The following GRID2 variants were observed in gnomAD, a reference collection of about 807,000 sequenced individuals.
GRID2 encodes the protein glutamate ionotropic receptor delta type subunit 2.
Under a neutral mutation model 114.8 loss-of-function variants are expected in GRID2, and 33 were observed. The ratio of observed to expected loss-of-function variants is 0.29; its 90% confidence interval spans 0.22 to 0.38. GRID2 has a LOEUF of 0.38. GRID2 is among the 10% of genes least tolerant of loss of function. GRID2 has a pLI of 1.00. For synonymous variants in GRID2, 505 were observed against 449.9 expected, an observed-to-expected ratio of 1.12 and a Z score of -1.55; for missense variants, 1,184 against 1,257.7, an observed-to-expected ratio of 0.94 and a Z score of 0.89.
chr4:93,650,484 C>G (rs1722489610), intron 14 of GRID2, among the ~76,000 whole-genome samples: 1 of 151,980 alleles, frequency 6.6e-6, no homozygotes, highest in Admixed American at 6.6e-5. Flanking sequence ...ATTCCTTACT[C>G]AAAATTACTG....
At position 92,934,790 on chromosome 4, in the gene GRID2, G is replaced by C. The variant is rs1194695740; in HGVS notation, c.245-150205G>C. Among the ~76,000 whole-genome samples, 2 of 146,926 alleles carry C rather than the reference G, an allele frequency of 1.4e-5. 1 individual carries two copies. Among genetic ancestry groups the C allele is most frequent in the Non-Finnish European group, 3.0e-5 (2 of 66,336 alleles). ...CTGAGAAAAACAAGCAGTGGGGAAA[G>C]GATTCCCTATTTAATAAATGGTGCT... On this transcript the variant is annotated intron_variant, in intron 2 of 15. Coordinates refer to ENST00000282020, the MANE Select transcript of GRID2 (RefSeq NM_001510.4).
At chr4:93,328,040 G>T (rs762913263) in intron 8 of GRID2, among the ~76,000 whole-genome samples, 2 of 151,802 alleles carry the variant, frequency 1.3e-5, no homozygotes, top group African/African-American at 2.4e-5. Context: ...CTGGCCGGGC[G>T]CAGTGGCTCA....
At chr4:93,189,854 A>AT (rs1448054895) in intron 4 of GRID2, among the ~76,000 whole-genome samples, 6 of 150,926 alleles carry the variant, frequency 4.0e-5, no homozygotes, top group Non-Finnish European at 8.9e-5. Context: ...TCAGAGTAAG[A>AT]TTTTTTTGTT....
At chr4:92,612,870 A>G (rs2149230452) in intron 2 of GRID2, among the ~76,000 whole-genome samples, 1 of 151,582 alleles carries the variant, frequency 6.6e-6, no homozygotes, top group Admixed American at 6.6e-5. Context: ...TTATGCAAAT[A>G]AATACATTTA....
chr4:92,414,404 A>T (rs913966156), intron 1 of GRID2, among the ~76,000 whole-genome samples: 1 of 152,230 alleles, frequency 6.6e-6, no homozygotes, highest in South Asian at 2.1e-4. Context: ...CAAGGAGAAT[A>T]CATGGTGATA....
intron 1 of GRID2, among the ~76,000 whole-genome samples, chr4:92,435,223 T>A (rs1037285516): frequency 1.3e-5 from 2 of 152,192 alleles, no homozygotes; most frequent in Non-Finnish European, 2.9e-5. Flanking sequence ...GATAAGATCC[T>A]TGGGACATTT....
chr4:93,305,069 T>A (rs1755275387), intron 8 of GRID2, among the ~76,000 whole-genome samples: 1 of 152,110 alleles, frequency 6.6e-6, no homozygotes. Flanking sequence ...AGTAAAATAT[T>A]TTTAAGAGTT....
At chr4:92,379,385 G>A (rs900616332) in intron 1 of GRID2, among the ~76,000 whole-genome samples, 1 of 151,870 alleles carries the variant, frequency 6.6e-6, no homozygotes, top group East Asian at 1.9e-4. Context: ...TATGGAGAGT[G>A]CATTACTCCC....
At chr4:93,456,741 G>T (rs1488219152) in intron 11 of GRID2, among the ~76,000 whole-genome samples, 1 of 152,122 alleles carries the variant, frequency 6.6e-6, no homozygotes, top group African/African-American at 2.4e-5. Context: ...CTACAATGGA[G>T]ACATTATACT....
chr4:93,508,033 G>A (rs1209905246), intron 12 of GRID2, among the ~76,000 whole-genome samples: 2 of 152,100 alleles, frequency 1.3e-5, no homozygotes, highest in East Asian at 3.9e-4. Context: ...GGGAGGGATA[G>A]CATTAGGAGA....
At chr4:92,571,368 C>T (rs1306766348) in intron 1 of GRID2, among the ~76,000 whole-genome samples, 2 of 152,048 alleles carry the variant, frequency 1.3e-5, no homozygotes, top group Non-Finnish European at 2.9e-5. Context: ...TACAGGAGCA[C>T]CAAGATTCAT....
intron 14 of GRID2, among the ~76,000 whole-genome samples, chr4:93,762,108 A>G (rs1227457744): frequency 1.3e-5 from 2 of 152,194 alleles, no homozygotes; most frequent in African/African-American, 4.8e-5. Context: ...TATTATTAAT[A>G]CTTTCTCAGT....
In GRID2 at chr4:93,550,187, T is replaced by C. The variant is rs191926230; in HGVS notation, c.2193+34776T>C. Reference sequence around the variant, plus strand: ...GCTCTGAACTCCTGGGCTTAAGCGATCCTCCTGCCTCAGCCTCCCAAGTAG... The same window carrying C: ...GCTCTGAACTCCTGGGCTTAAGCGACCCTCCTGCCTCAGCCTCCCAAGTAG... On this transcript the variant is annotated intron_variant, in intron 13 of 15. Coordinates refer to ENST00000282020, the MANE Select transcript of GRID2 (RefSeq NM_001510.4). Among the ~76,000 whole-genome samples the C allele has an allele frequency of 7.4e-3, 1,127 of 152,236 alleles. 10 individuals carry two copies. Among genetic ancestry groups the C allele is most frequent in the African/African-American group, 0.026 (1,086 of 41,550 alleles).
At chr4:92,815,579 A>G (rs576491326) in intron 2 of GRID2, among the ~76,000 whole-genome samples, 46 of 152,184 alleles carry the variant, frequency 3.0e-4, no homozygotes, top group African/African-American at 1.0e-3. Flanking sequence ...GTACTAACAC[A>G]TGTTGATTTC....
intron 2 of GRID2, among the ~76,000 whole-genome samples, chr4:93,024,375 A>T (rs1560805420): frequency 2.0e-5 from 3 of 151,786 alleles, no homozygotes; most frequent in Admixed American, 6.6e-5. Context: ...CATAAATTAC[A>T]TATTTATACC....
chr4:93,168,443 G>GTA (rs974272082), intron 4 of GRID2, among the ~76,000 whole-genome samples: 8 of 152,004 alleles, frequency 5.3e-5, no homozygotes, highest in South Asian at 2.1e-4. Flanking sequence ...AAAAATGTGT[G>GTA]TATATATATG....
At chr4:93,659,338 T>C (rs1460439684) in intron 14 of GRID2, among the ~76,000 whole-genome samples, 1 of 152,172 alleles carries the variant, frequency 6.6e-6, no homozygotes, top group Non-Finnish European at 1.5e-5. Context: ...TGCTTGTTTA[T>C]AAAGTTGTCG....
At chr4:92,847,186 C>T (rs115919089) in intron 2 of GRID2, among the ~76,000 whole-genome samples, 2,855 of 152,112 alleles carry the variant, frequency 0.019, 50 homozygotes, top group Non-Finnish European at 0.027. Flanking sequence ...TGCAAATAGA[C>T]AACCTCTTCC....
chr4:92,968,288 A>T (rs1320719679), intron 2 of GRID2, among the ~76,000 whole-genome samples: 1 of 151,862 alleles, frequency 6.6e-6, no homozygotes, highest in African/African-American at 2.4e-5. Flanking sequence ...TATTAATTAA[A>T]TTTGTTGGTT....
Sources: allele counts gnomAD v4.1 joint callset (sites outside exome capture counted in the v4.1 genomes callset), GRCh38; gene constraint gnomAD v4.1.1; transcripts MANE v1.5; gene names NCBI Gene and HGNC (gene_info 2026-07-23, HGNC 2026-07-21).